Variants in CLIC5 observed in about 807,000 individuals in gnomAD.
CLIC5 encodes CLIC family member 5.
A neutral mutation model predicts 24.7 loss-of-function variants in CLIC5; 20 were observed. The observed-to-expected ratio is 0.81, with a 90% CI of 0.57 to 1.18. The LOEUF (loss-of-function observed/expected upper bound fraction) is 1.18. CLIC5 is among the 50% of genes most tolerant of loss of function. The pLI is 0.00. For missense variants in CLIC5, 341 were observed against 326.1 expected (o/e 1.05, Z -0.35); for synonymous variants, 159 against 135.6 (o/e 1.17, Z -1.20).
At chr6:45,984,160 C>G (rs1765655922) in intron 1 of CLIC5, among the ~76,000 whole-genome samples, 1 of 152,142 alleles carries the variant, frequency 6.6e-6, no homozygotes, top group Non-Finnish European at 1.5e-5. Context: ...TGGTTTTCCC[C>G]TAGAGATTTA....
upstream of CLIC5, among the ~76,000 whole-genome samples, chr6:46,019,975 G>T (rs2127449278): frequency 6.6e-6 from 1 of 152,098 alleles, no homozygotes; most frequent in East Asian, 1.9e-4. Flanking sequence ...ATTATAGTTA[G>T]AGACTTCAGT....
At chr6:45,916,585 T>C (rs1266980161) in intron 4 of CLIC5, among the ~76,000 whole-genome samples, 1 of 152,104 alleles carries the variant, frequency 6.6e-6, no homozygotes, top group Non-Finnish European at 1.5e-5. Flanking sequence ...ACATTGCAGG[T>C]TCTAATCTCA....
chr6:46,061,545 T>A (rs995939393), intron 1 of CLIC5, among the ~76,000 whole-genome samples: 1 of 152,184 alleles, frequency 6.6e-6, no homozygotes, highest in African/African-American at 2.4e-5. Flanking sequence ...GATGTCTGTG[T>A]CTTGGTTCCA....
rs143358120 is a variant in CLIC5 at position 45,978,304 on chromosome 6, G to A, written c.64-23060C>T. On this transcript the variant is annotated intron_variant, in intron 1 of 5. Transcript: ENST00000339561. ...CGAGAACTTAGTGTTGGGCTTCCTT[G>A]TCATTGTGTGATAAAATACTCTTCT... is the stretch of plus-strand genomic sequence containing the variant. 2.4e-3 allele frequency among the ~76,000 whole-genome samples: 366 copies of A among 152,114 alleles called. 1 individual carries two copies. The highest frequency in any genetic ancestry group is 8.1e-3 in the African/African-American group (337 of 41,480).
the CLIC5 span, among the ~76,000 whole-genome samples, chr6:46,126,773 C>T: frequency 6.6e-6 from 1 of 152,158 alleles, no homozygotes; most frequent in African/African-American, 2.4e-5. Flanking sequence ...TAGAACTGAG[C>T]AGTGGACAGG....
At chr6:45,895,894 C>G (rs1271000724), downstream of CLIC5, among the ~76,000 whole-genome samples, 1 of 152,190 alleles carries the variant, frequency 6.6e-6, no homozygotes, top group African/African-American at 2.4e-5. Context: ...GCGGTCTAGA[C>G]TCCAAGGCCT....
At chr6:46,065,529 C>A (rs1762418493) in intron 1 of CLIC5, among the ~76,000 whole-genome samples, 1 of 152,118 alleles carries the variant, frequency 6.6e-6, no homozygotes, top group Non-Finnish European at 1.5e-5. Flanking sequence ...GTGCCCTCAA[C>A]TGCTGAATGC....
At chr6:46,004,996 C>T (rs147569412) in intron 1 of CLIC5, among the ~76,000 whole-genome samples, 452 of 152,300 alleles carry the variant, frequency 3.0e-3, no homozygotes, top group African/African-American at 0.01. Context: ...GCAGGTGAGA[C>T]GGCCCCTCGT....
chr6:45,936,161 G>A (rs1055721641), intron 4 of CLIC5, among the ~76,000 whole-genome samples: 6 of 143,448 alleles, frequency 4.2e-5, no homozygotes, highest in Admixed American at 3.5e-4. Context: ...AGGTACAATT[G>A]TCTACCCGAG....
At chr6:46,064,450 A>C (rs1358875763) in intron 1 of CLIC5, among the ~76,000 whole-genome samples, 1 of 152,190 alleles carries the variant, frequency 6.6e-6, no homozygotes, top group African/African-American at 2.4e-5. Flanking sequence ...CATTATCCTA[A>C]TATTAAATCC....
chr6:45,972,285 A>G (rs1765226723), intron 1 of CLIC5, among the ~76,000 whole-genome samples: 1 of 152,238 alleles, frequency 6.6e-6, no homozygotes, highest in Non-Finnish European at 1.5e-5. Flanking sequence ...AATTGGGAAT[A>G]ATAACAGCTG....
intron 1 of CLIC5, among the ~76,000 whole-genome samples, chr6:46,035,125 T>TG (rs1767625030): frequency 6.6e-6 from 1 of 152,154 alleles, no homozygotes; most frequent in African/African-American, 2.4e-5. Flanking sequence ...GCCATCATCT[T>TG]GGGGAAAAAG....
chr6:45,913,685 G>T (rs1581725401), intron 5 of CLIC5: 14 of 778,548 alleles, frequency 1.8e-5, no homozygotes, highest in Middle Eastern at 4.3e-4. Context: ...TGCTGCAAAT[G>T]GTTAGTAAGT....
At position 45,958,422 on chromosome 6, in the gene CLIC5, TTATATATATATA is replaced by T. The variant is rs35922936; in HGVS notation, c.64-3190_64-3179del. 5.0e-3 allele frequency among the ~76,000 whole-genome samples: 42 copies of T among 8,370 alleles called. 1 individual carries two copies. Among genetic ancestry groups the T allele is most frequent in the East Asian group, 0.017 (12 of 714 alleles). The allele number at this position is 8,370 out of a possible 152,430, so 5.5% of individuals were successfully genotyped here. A position where few individuals can be genotyped will look rare whatever the true frequency, so the allele number is the denominator to read the frequency against. On this transcript the variant is annotated intron_variant, in intron 1 of 5. Coordinates refer to ENST00000339561, the MANE Select transcript of CLIC5 (RefSeq NM_016929.5). ...AATCAGGGAAGTGTCAAAAAGACAA[TTATATATATATA>T]TATATATATATATATATATATATAT... is the stretch of plus-strand genomic sequence containing the variant.
chr6:45,984,349 C>G (rs2127417166), intron 1 of CLIC5, among the ~76,000 whole-genome samples: 1 of 152,234 alleles, frequency 6.6e-6, no homozygotes, highest in South Asian at 2.1e-4. Flanking sequence ...CTGTGCTATC[C>G]CTGGACTCAC....
chr6:46,015,830 C>G lies in CLIC5; in HGVS notation c.-288G>C, dbSNP rs1282415402. ...TGGGAGCAACAAGTGCCGGGCTGCC[C>G]GGAGGTGTCACAGGATCCGCGACTG... is the stretch of plus-strand genomic sequence containing the variant. On this transcript the variant is annotated 5_prime_UTR_variant, in exon 1 of 6. Transcript: ENST00000339561. 3.5e-6 allele frequency: 4 copies of G among 1,149,860 alleles called. No individual in the cohort carries two copies. Among genetic ancestry groups the G allele is most frequent in the Non-Finnish European group, 4.3e-6 (4 of 935,052 alleles). The allele number at this position is 1,149,860 out of a possible 1,614,324, so 71.2% of individuals were successfully genotyped here. A position where few individuals can be genotyped will look rare whatever the true frequency, so the allele number is the denominator to read the frequency against.
the CLIC5 span, among the ~76,000 whole-genome samples, chr6:46,093,391 G>A: frequency 1.3e-5 from 2 of 152,072 alleles, no homozygotes; most frequent in Non-Finnish European, 2.9e-5. Context: ...AGCAGGTCTG[G>A]GATGGGGCGG....
the CLIC5 span, among the ~76,000 whole-genome samples, chr6:46,111,864 A>G: frequency 1.3e-5 from 2 of 152,130 alleles, no homozygotes; most frequent in Non-Finnish European, 2.9e-5. Context: ...AATAAGTCTC[A>G]TGAGATCTGA....
intron 1 of CLIC5, among the ~76,000 whole-genome samples, chr6:46,025,735 G>A (rs754457342): frequency 7.9e-5 from 12 of 152,146 alleles, no homozygotes; most frequent in Non-Finnish European, 1.6e-4. Flanking sequence ...ATCTCATGTC[G>A]AATTGTAATC....
Sources: allele counts gnomAD v4.1 joint callset (sites outside exome capture counted in the v4.1 genomes callset), GRCh38; gene constraint gnomAD v4.1.1; transcripts MANE v1.5; gene names NCBI Gene and HGNC (gene_info 2026-07-23, HGNC 2026-07-21).